The following IL6R variants were observed in gnomAD, a reference collection of about 807,000 sequenced individuals.
IL6R encodes the protein interleukin 6 receptor.
Under a neutral mutation model 48.3 loss-of-function variants are expected in IL6R, and 38 were observed. The ratio of observed to expected loss-of-function variants is 0.79; its 90% confidence interval spans 0.61 to 1.03. IL6R has a LOEUF of 1.03. Among genes scored for constraint, IL6R ranks in the 50% least tolerant of loss-of-function variants. IL6R has a pLI of 0.00. For synonymous variants in IL6R, 264 were observed against 256.2 expected (o/e 1.03, Z -0.29); for missense variants, 534 against 618.3 (o/e 0.86, Z 1.45).
At chr1:154,461,545 C>T (rs1044334382) in intron 9 of IL6R, among the ~76,000 whole-genome samples, 5 of 152,118 alleles carry the variant, frequency 3.3e-5, no homozygotes, top group Non-Finnish European at 4.4e-5. Flanking sequence ...ACCCTATACC[C>T]GCCGGTTATT....
chr1:154,416,351 C>A (rs1453619809), intron 1 of IL6R, among the ~76,000 whole-genome samples: 2 of 149,270 alleles, frequency 1.3e-5, no homozygotes, highest in African/African-American at 4.9e-5. Context: ...TGCTATGTTG[C>A]CTAGGCTGGT....
chr1:154,415,156 C>T, intron 1 of IL6R: 1 of 821,002 alleles, frequency 1.2e-6, no homozygotes, highest in Non-Finnish European at 2.0e-6. Flanking sequence ...GCCTGCAGGA[C>T]AGGGCCCTAG....
chr1:154,431,073 G>T (rs539681595), intron 3 of IL6R, among the ~76,000 whole-genome samples: 1 of 152,274 alleles, frequency 6.6e-6, no homozygotes, highest in South Asian at 2.1e-4. Context: ...CTGGGCCCTT[G>T]TGGGCGTATC....
intron 6 of IL6R, among the ~76,000 whole-genome samples, chr1:154,446,476 T>A (rs1690237066): frequency 6.6e-6 from 1 of 152,232 alleles, no homozygotes; most frequent in Non-Finnish European, 1.5e-5. Context: ...TCGTGATTTT[T>A]GTTTAAACCA....
At chr1:154,461,548 C>A (rs939780553) in intron 9 of IL6R, among the ~76,000 whole-genome samples, 5 of 151,998 alleles carry the variant, frequency 3.3e-5, no homozygotes, top group Admixed American at 2.0e-4. Context: ...CTATACCCGC[C>A]GGTTATTCCT....
intron 6 of IL6R, among the ~76,000 whole-genome samples, chr1:154,446,571 C>T (rs565783910): frequency 5.9e-5 from 9 of 152,312 alleles, no homozygotes; most frequent in African/African-American, 1.9e-4. Context: ...CACTCACTGC[C>T]TGTTACGGTT....
intron 8 of IL6R, among the ~76,000 whole-genome samples, chr1:154,451,398 A>C (rs534978248): frequency 1.2e-4 from 19 of 152,152 alleles, no homozygotes; most frequent in African/African-American, 4.6e-4. Flanking sequence ...GGTGCCTATA[A>C]TCCCAGCTAC....
intron 8 of IL6R, among the ~76,000 whole-genome samples, chr1:154,452,594 A>AG (rs1380232683): frequency 1.3e-5 from 2 of 151,926 alleles, no homozygotes; most frequent in South Asian, 2.1e-4. Flanking sequence ...GCACTTTGGG[A>AG]GCCGAGGCAG....
chr1:154,455,235 C>T (rs775840987), intron 9 of IL6R, among the ~76,000 whole-genome samples: 2 of 151,706 alleles, frequency 1.3e-5, no homozygotes, highest in Non-Finnish European at 2.9e-5. Context: ...AGGAGAGAAG[C>T]CCAGCATGTA....
At chr1:154,411,388 A>G (rs1294666019) in intron 1 of IL6R, among the ~76,000 whole-genome samples, 1 of 152,294 alleles carries the variant, frequency 6.6e-6, no homozygotes, top group Admixed American at 6.5e-5. Context: ...GAAGATGCTG[A>G]TAAGGAGTTG....
chr1:154,445,184 G>A (rs1690150711), intron 6 of IL6R: 5 of 448,850 alleles, frequency 1.1e-5, no homozygotes, highest in Admixed American at 2.4e-5. Flanking sequence ...TGTCTGTTGG[G>A]TGGTTTAAAG....
chr1:154,447,648 C>A (rs1046969576), intron 6 of IL6R, among the ~76,000 whole-genome samples: 1 of 149,696 alleles, frequency 6.7e-6, no homozygotes, highest in Non-Finnish European at 1.5e-5. Context: ...ACAGCTAGTC[C>A]CTTACGGTTG....
chr1:154,440,655 C>CTT (rs35390021), intron 6 of IL6R, among the ~76,000 whole-genome samples: 64,279 of 134,648 alleles, frequency 0.48, 16,626 homozygotes, highest in Admixed American at 0.59. Context: ...TGATTAATGT[C>CTT]TTTTTTTTTT....
In IL6R at chr1:154,449,957, C is replaced by A; in HGVS notation, c.1043C>A (p.Ser348Tyr). 2 of 1,609,852 alleles carry A rather than the reference C, an allele frequency of 1.2e-6. No individual in the cohort carries two copies. The highest frequency in any genetic ancestry group is 1.7e-6 in the Non-Finnish European group (2 of 1,176,118). ...KDDDNILFRD[S>Y]ANATSLPVQD... The stretch of plus-strand genomic sequence containing the variant: ...GATGATAATATTCTCTTCAGAGATT[C>A]TGCAAATGCGACAAGCCTCCCAGGT... Residue 348 changes from serine (S) to tyrosine (Y), a missense_variant, in exon 8 of 10, where the codon TCT becomes TAT. Physicochemically the swap from Ser to Tyr is moderately radical, Grantham distance 144. Transcript: ENST00000368485.
Position 154,469,317 on chromosome 1 carries a change from C to T in IL6R, c.*3937C>T, listed in dbSNP as rs780127494. ...TTGTTTGTTTGTTTTACCTAATTACCTGAAAGCAAATACCAAAGGCTGATG... is the reference window on the plus strand; with the variant it reads ...TTGTTTGTTTGTTTTACCTAATTACTTGAAAGCAAATACCAAAGGCTGATG... On this transcript the variant is annotated 3_prime_UTR_variant, in exon 10 of 10. Transcript: ENST00000368485. The T allele has an allele frequency of 3.3e-5, 5 of 152,084 alleles. No individual in the cohort carries two copies. Among genetic ancestry groups the T allele is most frequent in the Non-Finnish European group, 5.9e-5 (4 of 68,028 alleles). 9.4% of individuals were successfully genotyped at this position (152,084 alleles called of 1,614,324 possible). A position where few individuals can be genotyped will look rare whatever the true frequency, so the allele number is the denominator to read the frequency against.
At chr1:154,457,967 CTTTT>C (rs1307922193) in intron 9 of IL6R, among the ~76,000 whole-genome samples, 8 of 91,700 alleles carry the variant, frequency 8.7e-5, no homozygotes, top group African/African-American at 2.5e-4. Flanking sequence ...TTTTCTTTTT[CTTTT>C]TTTTTTTTTT....
intron 1 of IL6R, among the ~76,000 whole-genome samples, chr1:154,419,047 G>A (rs1688508749): frequency 6.6e-6 from 1 of 152,136 alleles, no homozygotes; most frequent in African/African-American, 2.4e-5. Context: ...AGCATGGAGA[G>A]GTACCTGGGC....
chr1:154,448,335 A>G (rs1001938900), intron 7 of IL6R, among the ~76,000 whole-genome samples, 164 bp downstream of exon 7: 1 of 152,246 alleles, frequency 6.6e-6, no homozygotes, highest in Non-Finnish European at 1.5e-5. Flanking sequence ...AGGGAATCAT[A>G]GAAATTATCT....
In IL6R at chr1:154,465,281, C is replaced by T. The variant is rs570211746; in HGVS notation, c.1308C>T (p.Ser436=). Residue 436 remains serine, a synonymous_variant, in exon 10 of 10, where the codon AGC becomes AGT. Coordinates refer to ENST00000368485, the MANE Select transcript of IL6R (RefSeq NM_000565.4). ...PLISPPVSPS[S]LGSDNTSSHN... ...TCTCCCCACCGGTGTCCCCCAGCAG[C>T]CTGGGGTCTGACAATACCTCGAGCC... 151 of 1,614,210 alleles carry T rather than the reference C, an allele frequency of 9.4e-5. No individual in the cohort carries two copies. The South Asian group carries it at 1.4e-3, about 15-fold the overall frequency.
Sources: allele counts gnomAD v4.1 joint callset (sites outside exome capture counted in the v4.1 genomes callset), GRCh38; gene constraint gnomAD v4.1.1; transcripts MANE v1.5; gene names NCBI Gene and HGNC (gene_info 2026-07-23, HGNC 2026-07-21).